The following FIG4 variants were observed in gnomAD, a reference collection of about 807,000 sequenced individuals.
The protein encoded by FIG4 is polyphosphoinositide phosphatase.
FIG4 carries 112 observed loss-of-function variants against 118.6 expected under a neutral mutation model. That is an observed-to-expected ratio of 0.94 (90% CI 0.81 to 1.11). The LOEUF is 1.11. Among genes scored for constraint, FIG4 ranks in the 50% least tolerant of loss-of-function variants. FIG4 has a pLI of 0.00. For missense variants in FIG4, 969 were observed against 1,111.7 expected, an observed-to-expected ratio of 0.87 and a Z score of 1.83; for synonymous variants, 369 against 381.2, an observed-to-expected ratio of 0.97 and a Z score of 0.37.
intron 22 of FIG4, among the ~76,000 whole-genome samples, chr6:109,803,450 G>C (rs1361894573): frequency 1.3e-5 from 2 of 152,146 alleles, no homozygotes; most frequent in African/African-American, 4.8e-5. Context: ...TGCCAGGATA[G>C]CAAATATACA....
intron 1 of FIG4, among the ~76,000 whole-genome samples, chr6:109,713,318 G>A (rs1228465183): frequency 2.0e-5 from 3 of 152,216 alleles, no homozygotes; most frequent in Admixed American, 6.5e-5. Flanking sequence ...TGAGGGGGCG[G>A]GGGAGGCCCT....
chr6:109,823,572 A>G (rs1779073341), intron 22 of FIG4, among the ~76,000 whole-genome samples: 1 of 152,112 alleles, frequency 6.6e-6, no homozygotes, highest in Non-Finnish European at 1.5e-5. Context: ...GGGGGGTTTT[A>G]CTGTACAACT....
intron 10 of FIG4, among the ~76,000 whole-genome samples, chr6:109,753,983 A>G (rs1201356734): frequency 3.3e-5 from 5 of 152,142 alleles, no homozygotes; most frequent in South Asian, 2.1e-4. Context: ...TATGTTGAAT[A>G]GGAGTGGTGA....
At chr6:109,746,296 C>T (rs1031891484) in intron 10 of FIG4, among the ~76,000 whole-genome samples, 8 of 152,140 alleles carry the variant, frequency 5.3e-5, no homozygotes, top group Non-Finnish European at 1.0e-4. Flanking sequence ...AGAAACAGCT[C>T]CTGCCTTGAG....
intron 10 of FIG4, among the ~76,000 whole-genome samples, chr6:109,756,286 G>A (rs1776896642): frequency 1.3e-5 from 2 of 152,160 alleles, no homozygotes; most frequent in South Asian, 4.1e-4. Context: ...CTGGCTTGTA[G>A]AGTTTCTGCC....
At chr6:109,729,161 C>A (rs1003090075) in intron 4 of FIG4, among the ~76,000 whole-genome samples, 3 of 152,106 alleles carry the variant, frequency 2.0e-5, no homozygotes, top group Non-Finnish European at 4.4e-5. Context: ...CTCTGTAATG[C>A]ATGATTGTTA....
At chr6:109,823,844 T>C (rs1779080289) in intron 22 of FIG4, among the ~76,000 whole-genome samples, 1 of 152,210 alleles carries the variant, frequency 6.6e-6, no homozygotes, top group African/African-American at 2.4e-5. Flanking sequence ...CACCCTGTTA[T>C]GGCCAACCAC....
chr6:109,813,737 G>A (rs4512266), intron 22 of FIG4, among the ~76,000 whole-genome samples: 12,470 of 152,190 alleles, frequency 0.082, 1,061 homozygotes, highest in African/African-American at 0.21. Context: ...GAAGTGATAA[G>A]GTTGTGAAAG....
At chr6:109,726,180 T>C (rs1351068188) in intron 3 of FIG4, among the ~76,000 whole-genome samples, 1 of 152,238 alleles carries the variant, frequency 6.6e-6, no homozygotes, top group African/African-American at 2.4e-5. Flanking sequence ...TGTCCATGCC[T>C]GTGTCTTGAA....
At chr6:109,769,328 T>C in intron 15 of FIG4, among the ~76,000 whole-genome samples, 1 of 152,024 alleles carries the variant, frequency 6.6e-6, no homozygotes, top group Admixed American at 6.5e-5. Flanking sequence ...ATAAAGATAT[T>C]CTGAGAAAAT....
intron 10 of FIG4, among the ~76,000 whole-genome samples, chr6:109,752,310 T>C (rs1244092920): frequency 6.6e-6 from 1 of 151,262 alleles, no homozygotes; most frequent in African/African-American, 2.4e-5. Context: ...CGTGTGCATG[T>C]GTCTTTATAG....
At chr6:109,755,080 A>G (rs1220017113) in intron 10 of FIG4, among the ~76,000 whole-genome samples, 10 of 152,072 alleles carry the variant, frequency 6.6e-5, no homozygotes, top group Non-Finnish European at 1.5e-5. Flanking sequence ...ATTTAGTGCT[A>G]TAAATTTCAC....
At position 109,769,978 on chromosome 6, in the gene FIG4, C is replaced by G. The variant is rs563576015; in HGVS notation, c.1750+3083C>G. ...AAATTAGGTTGTTAGGAATTTTACC[C>G]TTGGTTTATGTGGATGGACTGATGC... On this transcript the variant is annotated intron_variant, in intron 15 of 22. Transcript: ENST00000230124. 2.6e-5 allele frequency among the ~76,000 whole-genome samples: 4 copies of G among 152,258 alleles called. No homozygotes were observed. In the East Asian group the frequency reaches 7.7e-4, roughly 29 times the overall value.
chr6:109,794,540 T>G (rs1778224075), intron 21 of FIG4, among the ~76,000 whole-genome samples: 1 of 152,188 alleles, frequency 6.6e-6, no homozygotes, highest in Admixed American at 6.5e-5. Flanking sequence ...GAATCCTCCC[T>G]CCATCAGTAT....
rs375246701 is a variant in FIG4, at chr6:109,778,846, G to A, written c.1889+1786G>A. 5.8e-3 allele frequency among the ~76,000 whole-genome samples: 888 copies of A among 152,054 alleles called. 6 individuals carry two copies. The highest frequency in any genetic ancestry group is 0.02 in the African/African-American group (810 of 41,402). ...GATCTCCTGCCCTTGTGATCTGCCC[G>A]CCTTGGCCTCCCAAAGTGCTGGGAT... On this transcript the variant is annotated intron_variant, in intron 16 of 22. Coordinates refer to ENST00000230124, the MANE Select transcript of FIG4 (RefSeq NM_014845.6).
chr6:109,820,832 C>A (rs906007773), intron 22 of FIG4, among the ~76,000 whole-genome samples: 8 of 152,058 alleles, frequency 5.3e-5, no homozygotes, highest in African/African-American at 1.9e-4. Flanking sequence ...CTCACTCACC[C>A]CCAAATCTAA....
chr6:109,809,377 G>T (rs955569057), intron 22 of FIG4, among the ~76,000 whole-genome samples: 1 of 152,054 alleles, frequency 6.6e-6, no homozygotes, highest in Non-Finnish European at 1.5e-5. Flanking sequence ...TTAAGAAGTT[G>T]TTTATGCTAT....
At chr6:109,738,599 A>G (rs1776232383) in intron 7 of FIG4, 146 bp downstream of exon 7, 1 of 743,228 alleles carries the variant, frequency 1.3e-6, no homozygotes, top group East Asian at 2.6e-5. Flanking sequence ...TGTAGCAGAA[A>G]TACAAAGAAG....
Position 109,825,206 on chromosome 6 carries a change from C to T in FIG4, c.2665C>T (p.Pro889Ser). The stretch of plus-strand genomic sequence containing the variant: ...CCAGGCCAGCCAAGGTATCATGCAG[C>T]CCCTAGGAAAAGAGGACTCCTCCAT... ...HIQASQGIMQ[P>S]LGKEDSSMYR... is the part of the protein sequence containing the mutation. The change falls in exon 23 of 23, where the codon CCC (proline) becomes TCC (serine). Residue 889 changes from proline to serine, a missense_variant. Pro to Ser is a moderately conservative substitution (Grantham distance 74). Around this residue, in one of 3 missense-constraint regions of FIG4, gnomAD observed 330 missense variants for 348.1 expected, o/e 0.95. Coordinates refer to ENST00000230124, the MANE Select transcript of FIG4 (RefSeq NM_014845.6). 6.2e-7 allele frequency: 1 copy of T among 1,614,036 alleles called. No homozygotes were observed. The highest frequency in any genetic ancestry group is 8.5e-7 in the Non-Finnish European group (1 of 1,179,966).
Sources: gnomAD v4.1 joint callset for allele counts (sites outside exome capture counted in the v4.1 genomes callset) on GRCh38, gnomAD v4.1.1 for gene constraint, gnomAD v4.1.1 regional missense constraint, MANE v1.5 for transcripts, NCBI Gene and HGNC (gene_info 2026-07-23, HGNC 2026-07-21) for gene names.